TMEM154: variants seen among roughly 807,000 people sequenced by gnomAD.
TMEM154 encodes transmembrane protein 154.
In TMEM154, 27 loss-of-function variants were observed where a neutral mutation model predicts 24.5. That is an observed-to-expected ratio of 1.10 (90% CI 0.81 to 1.52). The LOEUF (loss-of-function observed/expected upper bound fraction) is 1.52, where lower values mean the gene tolerates loss of function less well. TMEM154 is among the 40% of genes most tolerant of loss of function. The pLI is 0.00. For synonymous variants in TMEM154, 67 were observed against 76.8 expected (o/e 0.87, Z 0.67); for missense variants, 228 against 213.4 (o/e 1.07, Z -0.43).
intron 3 of TMEM154, among the ~76,000 whole-genome samples, chr4:152,649,768 G>A (rs1227861303): frequency 2.0e-5 from 3 of 152,136 alleles, no homozygotes; most frequent in Non-Finnish European, 4.4e-5. Context: ...ATCCTCATCT[G>A]GATTAGGGTC....
intron 6 of TMEM154, among the ~76,000 whole-genome samples, chr4:152,637,230 G>A (rs1752166621): frequency 6.6e-6 from 1 of 152,196 alleles, no homozygotes; most frequent in Non-Finnish European, 1.5e-5. Flanking sequence ...AGAATAATTA[G>A]TTTCACTTGC....
Position 152,628,593 on chromosome 4 carries a change from CAAAAAAA to C in TMEM154, c.537-39_537-33del, listed in dbSNP as rs531179875. The C allele has an allele frequency of 1.4e-3, 629 of 450,250 alleles. 13 individuals are homozygous for C. The highest frequency in any genetic ancestry group is 3.8e-3 in the Middle Eastern group (5 of 1,324). 27.9% of individuals were successfully genotyped at this position (450,250 alleles called of 1,614,324 possible). A position where few individuals can be genotyped will look rare whatever the true frequency, so the allele number is the denominator to read the frequency against. ...AAAAAAAAAAAAAAAAAAAAAAAAA[CAAAAAAA>C]ACACACACACACACACAAAACAGTA... is the stretch of plus-strand genomic sequence containing the variant. On this transcript the variant is annotated intron_variant, in intron 6 of 6. Transcript: ENST00000304385.
chr4:152,679,292 G>C (rs1373679158), intron 1 of TMEM154, among the ~76,000 whole-genome samples: 6 of 150,100 alleles, frequency 4.0e-5, no homozygotes, highest in Non-Finnish European at 8.9e-5. Flanking sequence ...AATAAAAGTA[G>C]ATGAAAGACC....
chr4:152,661,864 G>T (rs576061990), intron 1 of TMEM154, among the ~76,000 whole-genome samples: 1 of 152,320 alleles, frequency 6.6e-6, no homozygotes, highest in Non-Finnish European at 1.5e-5. Flanking sequence ...TTGCCCAGAA[G>T]TAACCACCGT....
intron 1 of TMEM154, 59 bp from the exon 2 acceptor site, chr4:152,652,986 G>C (rs1274504351): frequency 6.8e-7 from 1 of 1,470,038 alleles, no homozygotes; most frequent in African/African-American, 1.4e-5. Context: ...ATGTTATATT[G>C]TCAATGATTT....
At chr4:152,668,325 G>A (rs1169275947) in intron 1 of TMEM154, 4 of 150,786 alleles carry the variant, frequency 2.7e-5, no homozygotes, top group African/African-American at 7.3e-5. Context: ...TTAAATGATC[G>A]TTATTGCCAA....
intron 6 of TMEM154, among the ~76,000 whole-genome samples, chr4:152,634,826 G>A (rs1752117004): frequency 6.6e-6 from 1 of 152,144 alleles, no homozygotes. Flanking sequence ...ACTTACAGTG[G>A]TTAACTTACA....
chr4:152,654,542 C>G (rs1320158753), intron 1 of TMEM154, among the ~76,000 whole-genome samples: 1 of 152,162 alleles, frequency 6.6e-6, no homozygotes, highest in East Asian at 1.9e-4. Context: ...AAGCCCTAAT[C>G]CTCAATGTGA....
chr4:152,638,184 TA>T (rs1350919838), intron 6 of TMEM154, among the ~76,000 whole-genome samples: 7 of 152,218 alleles, frequency 4.6e-5, no homozygotes, highest in African/African-American at 1.7e-4. Context: ...GAGAATCATT[TA>T]GGCCCAGGAG....
Position 152,648,986 on chromosome 4 carries a change from G to A in TMEM154, c.364+3552C>T, listed in dbSNP as rs183662712. ...AGGAAGTCCTGAAATTTCAAGCAGT[G>A]GAGAAACATGTATTTCCCACTTCTT... On this transcript the variant is annotated intron_variant, in intron 3 of 6. Transcript: ENST00000304385. Among the ~76,000 whole-genome samples, 253 of 152,330 alleles carry A rather than the reference G, an allele frequency of 1.7e-3. 1 individual carries two copies. Among genetic ancestry groups the A allele is most frequent in the African/African-American group, 5.2e-3 (215 of 41,574 alleles).
chr4:152,640,821 T>C, intron 6 of TMEM154, 107 bp downstream of exon 6: 1 of 928,356 alleles, frequency 1.1e-6, no homozygotes. Flanking sequence ...AATGATCTCA[T>C]ACGAATTATA....
chr4:152,628,481 G>A lies in TMEM154; in HGVS notation c.*65C>T, dbSNP rs1163824264. On this transcript the variant is annotated 3_prime_UTR_variant, in exon 7 of 7. Transcript: ENST00000304385. ...TAAATTTGTATCCTCTTCATCCTCT[G>A]TTGGCAGCCTCAGCAGACTCCCTCA... 2 of 1,455,356 alleles carry A rather than the reference G, an allele frequency of 1.4e-6. No homozygotes were observed. The highest frequency in any genetic ancestry group is 1.8e-6 in the Non-Finnish European group (2 of 1,082,920). 90.2% of individuals were successfully genotyped at this position (1,455,356 alleles called of 1,614,324 possible).
intron 1 of TMEM154, among the ~76,000 whole-genome samples, chr4:152,655,495 C>T (rs531075348): frequency 6.6e-6 from 1 of 152,300 alleles, no homozygotes; most frequent in South Asian, 2.1e-4. Flanking sequence ...GCCCAGCCCC[C>T]ACCAGACTGT....
At chr4:152,636,694 G>T (rs1752154791) in intron 6 of TMEM154, among the ~76,000 whole-genome samples, 1 of 152,228 alleles carries the variant, frequency 6.6e-6, no homozygotes, top group Non-Finnish European at 1.5e-5. Context: ...ACACAATGTG[G>T]TATATTCAGT....
intron 1 of TMEM154, among the ~76,000 whole-genome samples, chr4:152,679,309 GATGTGTTAGAGGGCTACCCTCT>G (rs1236560515): frequency 6.7e-6 from 1 of 149,726 alleles, no homozygotes; most frequent in East Asian, 1.9e-4. Context: ...GACCTTACTT[GATGTGTTAGAGGGCTACCCTCT>G]AACACATAGC....
At chr4:152,676,225 A>C (rs1728950341) in intron 1 of TMEM154, among the ~76,000 whole-genome samples, 1 of 152,202 alleles carries the variant, frequency 6.6e-6, no homozygotes, top group Non-Finnish European at 1.5e-5. Context: ...CCTCTCAGCC[A>C]GTCTCTGACC....
chr4:152,648,275 G>C (rs563686018), intron 3 of TMEM154, among the ~76,000 whole-genome samples: 3 of 152,306 alleles, frequency 2.0e-5, no homozygotes, highest in Admixed American at 1.3e-4. Flanking sequence ...TTGAGCCTAG[G>C]AGTTTGAGAC....
chr4:152,655,440 C>T (rs75348488), intron 1 of TMEM154, among the ~76,000 whole-genome samples: 2 of 152,296 alleles, frequency 1.3e-5, no homozygotes, highest in South Asian at 4.1e-4. Context: ...CGGAGTCCCA[C>T]ACACCCCTGA....
At position 152,626,233 on chromosome 4, in the gene TMEM154, A is replaced by G. The variant is rs1751916126; in HGVS notation, c.*2313T>C. ...GCAATCAAACTTACATATCTTTTAA[A>G]TATTCGAAAGTCAGATTTTGTTCTG... On this transcript the variant is annotated 3_prime_UTR_variant, in exon 7 of 7. Coordinates refer to ENST00000304385, the MANE Select transcript of TMEM154 (RefSeq NM_152680.3). The G allele has an allele frequency of 6.5e-6, 1 of 152,678 alleles. No homozygotes were observed. The highest frequency in any genetic ancestry group is 6.5e-5 in the Admixed American group (1 of 15,288). The allele number at this position is 152,678 out of a possible 1,614,324, so 9.5% of individuals were successfully genotyped here.
Sources: gnomAD v4.1 joint callset for allele counts (sites outside exome capture counted in the v4.1 genomes callset) on GRCh38, gnomAD v4.1.1 for gene constraint, MANE v1.5 for transcripts, NCBI Gene and HGNC (gene_info 2026-07-23, HGNC 2026-07-21) for gene names.